MYH11: variants seen among roughly 807,000 people sequenced by gnomAD.
MYH11 encodes the protein myosin heavy chain 11.
MYH11 carries 80 observed loss-of-function variants against 246.6 expected under a neutral mutation model. The ratio of observed to expected loss-of-function variants is 0.32; its 90% CI spans 0.27 to 0.39. The LOEUF (loss-of-function observed/expected upper bound fraction) is 0.39. Among genes scored for constraint, MYH11 ranks in the 10% least tolerant of loss-of-function variants. The pLI, the probability that MYH11 is intolerant of heterozygous loss-of-function variation, is 1.00. For missense variants in MYH11, 2,158 were observed against 2,546.8 expected (o/e 0.85, Z 3.29); for synonymous variants, 1,071 against 1,015.5 (o/e 1.05, Z -1.04).
rs775840903 is a variant in MYH11, at chr16:15,837,986, G to T, written c.267C>A (p.Asp89Glu). 6.8e-6 allele frequency: 11 copies of T among 1,614,162 alleles called. No individual in the cohort carries two copies. Among genetic ancestry groups the T allele is most frequent in the Non-Finnish European group, 8.5e-6 (10 of 1,180,020 alleles). The change falls in exon 2 of 41, where the codon GAC becomes GAA. Residue 89 changes from aspartate to glutamate, a missense_variant. Coordinates refer to ENST00000300036, the MANE Select transcript of MYH11 (RefSeq NM_002474.3). Reference sequence around the variant, plus strand: ...CGTTGAGGCACGTCAGCTCCGCCATGTCCTCCACCTTGGAGAACTTGGGTG... The same window carrying T: ...CGTTGAGGCACGTCAGCTCCGCCATTTCCTCCACCTTGGAGAACTTGGGTG... ...MNPPKFSKVEDMAELTCLNEA... is the reference protein window; with the variant it reads ...MNPPKFSKVEEMAELTCLNEA...
At chr16:15,708,739 G>C (rs914265949) in intron 40 of MYH11, 1 of 1,518,830 alleles carries the variant, frequency 6.6e-7, no homozygotes, top group African/African-American at 1.4e-5. Flanking sequence ...GCAGAGGGGC[G>C]CATTGGGCAG....
chr16:15,842,866 G>A (rs1169215069), intron 1 of MYH11, among the ~76,000 whole-genome samples: 1 of 151,324 alleles, frequency 6.6e-6, no homozygotes, highest in Non-Finnish European at 1.5e-5. Context: ...TAAAGATCTG[G>A]TAGACAACAT....
intron 10 of MYH11, 55 bp downstream of exon 10, chr16:15,763,741 T>TGGGGGC: frequency 6.2e-6 from 4 of 646,854 alleles, no homozygotes; most frequent in East Asian, 3.2e-5. Flanking sequence ...AAATGTCACC[T>TGGGGGC]CCCCCACCCC....
intron 2 of MYH11, among the ~76,000 whole-genome samples, chr16:15,833,068 G>T (rs1339612985): frequency 6.9e-6 from 1 of 144,704 alleles, no homozygotes; most frequent in African/African-American, 2.6e-5. Flanking sequence ...GGCCGAAGTG[G>T]TGAAGATTGC....
At chr16:15,746,236 C>A (rs2041415168) in intron 19 of MYH11, among the ~76,000 whole-genome samples, 1 of 152,024 alleles carries the variant, frequency 6.6e-6, no homozygotes, top group South Asian at 2.1e-4. Flanking sequence ...CCTGTCAAAC[C>A]TATTCTCTCC....
chr16:15,724,123 G>A (rs761482927), intron 31 of MYH11, 38 bp downstream of exon 31: 62 of 1,611,092 alleles, frequency 3.8e-5, no homozygotes, highest in Non-Finnish European at 5.0e-5. Context: ...CCAACCCAGC[G>A]TCCATGGCCA....
intron 3 of MYH11, among the ~76,000 whole-genome samples, chr16:15,803,846 C>T (rs945879627): frequency 2.6e-5 from 4 of 152,298 alleles, no homozygotes; most frequent in African/African-American, 4.8e-5. Context: ...GCCAGCGCGG[C>T]TCCGAGCTGG....
Position 15,732,652 on chromosome 16 carries a change from C to T in MYH11, c.3563G>A (p.Arg1188Gln), listed in dbSNP as rs746615097. The T allele has an allele frequency of 2.4e-5, 39 of 1,614,102 alleles. No homozygotes were observed. The highest frequency in any genetic ancestry group is 1.6e-4 in the Middle Eastern group (1 of 6,084). ...CTCCTGGACCTGAGCCTCATGGGACCGCGTCTCTTCATCCAGGGCCTTCTT... is the reference window on the plus strand; with the variant it reads ...CTCCTGGACCTGAGCCTCATGGGACTGCGTCTCTTCATCCAGGGCCTTCTT... ...VLKKALDEETRSHEAQVQEMR... is the reference protein window; with the variant it reads ...VLKKALDEETQSHEAQVQEMR... The change falls in exon 27 of 41, where the codon CGG becomes CAG. Residue 1188 changes from arginine (R) to glutamine (Q), a missense_variant. Physicochemically the swap from Arg to Gln is conservative, Grantham distance 43. This residue lies in a region of MYH11 where 34 missense variants were observed against 70.4 expected (regional missense o/e 0.48). Coordinates refer to ENST00000300036, the MANE Select transcript of MYH11 (RefSeq NM_002474.3).
At position 15,724,367 on chromosome 16, in the gene MYH11, C is replaced by T. The variant is rs773946923; in HGVS notation, c.4159G>A (p.Val1387Met). Residue 1387 changes from valine to methionine, a missense_variant, in exon 31 of 41, where the codon GTG (valine) becomes ATG (methionine). Physicochemically the swap from Val to Met is conservative, Grantham distance 21. Around this residue, in one of 11 missense-constraint regions of MYH11, gnomAD observed 1,013 missense variants for 993.5 expected, o/e 1.02. Transcript: ENST00000300036. ...KKKLQDFAST[V>M]EALEEGKKRF... ...TTCTTCCCCTCTTCCAGAGCTTCCACGGTGCTGGCAAAGTCCTGCAGCTTC... is the reference window on the plus strand; with the variant it reads ...TTCTTCCCCTCTTCCAGAGCTTCCATGGTGCTGGCAAAGTCCTGCAGCTTC... The T allele has an allele frequency of 1.5e-5, 24 of 1,614,002 alleles. No individual in the cohort carries two copies. Among genetic ancestry groups the T allele is most frequent in the African/African-American group, 4.0e-5 (3 of 74,908 alleles).
intron 3 of MYH11, among the ~76,000 whole-genome samples, chr16:15,819,000 C>T (rs1396470900): frequency 6.6e-6 from 1 of 152,192 alleles, no homozygotes; most frequent in Non-Finnish European, 1.5e-5. Flanking sequence ...CTGCCTCAGC[C>T]TCCAGAGTAG....
chr16:15,833,492 A>C (rs2043809239), intron 2 of MYH11, among the ~76,000 whole-genome samples: 1 of 152,098 alleles, frequency 6.6e-6, no homozygotes. Flanking sequence ...CCTTAGGACC[A>C]GGCGTCAAAG....
chr16:15,806,475 G>A (rs541201459), intron 3 of MYH11, among the ~76,000 whole-genome samples: 10 of 152,074 alleles, frequency 6.6e-5, no homozygotes, highest in African/African-American at 1.9e-4. Flanking sequence ...TTTCTTTGGG[G>A]GATGATAGAA....
At chr16:15,796,005 A>G (rs774602967) in intron 4 of MYH11, among the ~76,000 whole-genome samples, 6 of 152,174 alleles carry the variant, frequency 3.9e-5, no homozygotes, top group Non-Finnish European at 8.8e-5. Flanking sequence ...CTTATAATGT[A>G]TATTTATTAA....
At chr16:15,721,710 G>A in intron 31 of MYH11, 76 bp from the exon 32 acceptor site, 2 of 1,487,080 alleles carry the variant, frequency 1.3e-6, no homozygotes, top group East Asian at 2.3e-5. Context: ...ACCGGGGGAA[G>A]CCCTGTGTCC....
intron 36 of MYH11, chr16:15,718,889 A>T: frequency 2.4e-6 from 1 of 413,914 alleles, no homozygotes; most frequent in East Asian, 5.5e-5. Context: ...GCACTTTGGG[A>T]GGCCAAGGTA....
At chr16:15,811,177 C>T (rs2043129909) in intron 3 of MYH11, among the ~76,000 whole-genome samples, 1 of 152,126 alleles carries the variant, frequency 6.6e-6, no homozygotes, top group Admixed American at 6.5e-5. Flanking sequence ...TCACCAGATA[C>T]CAAGCTTGAT....
At chr16:15,776,467 C>T (rs775865198) in intron 7 of MYH11, among the ~76,000 whole-genome samples, 3 of 152,150 alleles carry the variant, frequency 2.0e-5, no homozygotes, top group Non-Finnish European at 2.9e-5. Context: ...CCATCACCAG[C>T]AAATCTTCTT....
At chr16:15,725,284 C>G in intron 28 of MYH11, 1 of 581,106 alleles carries the variant, frequency 1.7e-6, no homozygotes, top group South Asian at 2.1e-5. Context: ...GGACCTGATC[C>G]CACTAAATGG....
intron 6 of MYH11, among the ~76,000 whole-genome samples, chr16:15,779,653 G>T (rs2042301508): frequency 6.6e-6 from 1 of 152,218 alleles, no homozygotes; most frequent in African/African-American, 2.4e-5. Flanking sequence ...GGACAGGTGA[G>T]TATGCATTGG....
Sources: gnomAD v4.1 joint callset for allele counts (sites outside exome capture counted in the v4.1 genomes callset) on GRCh38, gnomAD v4.1.1 for gene constraint, gnomAD v4.1.1 regional missense constraint, MANE v1.5 for transcripts, NCBI Gene and HGNC (gene_info 2026-07-23, HGNC 2026-07-21) for gene names.